The following PDE1A variants were observed in gnomAD, a reference collection of about 807,000 sequenced individuals.
PDE1A encodes phosphodiesterase 1A, also known as dual specificity calcium/calmodulin-dependent 3',5'-cyclic nucleotide phosphodiesterase 1A.
A neutral mutation model predicts 61.7 loss-of-function variants in PDE1A; 35 were observed. The ratio of observed to expected loss-of-function variants is 0.57; its 90% CI spans 0.43 to 0.75. The LOEUF (loss-of-function observed/expected upper bound fraction) is 0.75. Among genes scored for constraint, PDE1A ranks in the 30% least tolerant of loss-of-function variants. The probability of loss-of-function intolerance (pLI) is 0.00; values close to 1 mark genes in which losing one functional copy is unlikely to be tolerated. For synonymous variants in PDE1A, 232 were observed against 213.2 expected, an observed-to-expected ratio of 1.09 and a Z score of -0.77; for missense variants, 597 against 630.6, an observed-to-expected ratio of 0.95 and a Z score of 0.57.
chr2:182,650,674 T>G, the PDE1A span, among the ~76,000 whole-genome samples: 1 of 152,228 alleles, frequency 6.6e-6, no homozygotes, highest in African/African-American at 2.4e-5. Context: ...CATAAAGTAA[T>G]GTAGGGATAA....
chr2:182,313,028 A>G (rs1393888959), intron 1 of PDE1A, among the ~76,000 whole-genome samples: 1 of 152,154 alleles, frequency 6.6e-6, no homozygotes, highest in Non-Finnish European at 1.5e-5. Flanking sequence ...TATCAGATTT[A>G]CTCTAAAAAT....
intron 8 of PDE1A, among the ~76,000 whole-genome samples, chr2:182,204,587 T>C (rs1485767602): frequency 6.6e-6 from 1 of 152,216 alleles, no homozygotes; most frequent in African/African-American, 2.4e-5. Flanking sequence ...TTTCTATTCT[T>C]TATGATTTTC....
At chr2:182,627,260 T>TATAAAATATAAATATATA in the PDE1A span, among the ~76,000 whole-genome samples, 2 of 34,730 alleles carry the variant, frequency 5.8e-5, no homozygotes, top group African/African-American at 8.6e-5. Flanking sequence ...TAATATATTA[T>TATAAAATATAAATATATA]TTATATATAA....
the PDE1A span, among the ~76,000 whole-genome samples, chr2:182,706,563 A>T: frequency 1.3e-5 from 2 of 152,138 alleles, no homozygotes; most frequent in Non-Finnish European, 2.9e-5. Context: ...TTAAAAAGAC[A>T]ATCACAGAAA....
chr2:182,650,469 AT>A, the PDE1A span, among the ~76,000 whole-genome samples: 2 of 152,180 alleles, frequency 1.3e-5, no homozygotes, highest in South Asian at 4.1e-4. Flanking sequence ...AGCACCTACT[AT>A]AACCTAGGAA....
At chr2:182,149,349 C>A (rs1312579274) in intron 13 of PDE1A, among the ~76,000 whole-genome samples, 1 of 152,016 alleles carries the variant, frequency 6.6e-6, no homozygotes, top group Non-Finnish European at 1.5e-5. Flanking sequence ...CAAATGGCAA[C>A]AAGGCAGCAA....
At chr2:182,166,689 A>G (rs914178624), downstream of PDE1A, among the ~76,000 whole-genome samples, 2 of 152,098 alleles carry the variant, frequency 1.3e-5, no homozygotes, top group Non-Finnish European at 2.9e-5. Flanking sequence ...CTTCACATGT[A>G]TTTCTTATTG....
chr2:182,625,076 G>A, the PDE1A span, among the ~76,000 whole-genome samples: 1 of 152,098 alleles, frequency 6.6e-6, no homozygotes, highest in South Asian at 2.1e-4. Flanking sequence ...GATGGGATTA[G>A]CGATGAGATT....
At chr2:182,281,661 G>C (rs1437243693) in intron 1 of PDE1A, among the ~76,000 whole-genome samples, 1 of 151,960 alleles carries the variant, frequency 6.6e-6, no homozygotes, top group Non-Finnish European at 1.5e-5. Context: ...GAAATCAGTG[G>C]AGTGTGATAA....
the PDE1A span, among the ~76,000 whole-genome samples, chr2:182,564,402 T>C: frequency 6.6e-6 from 1 of 152,244 alleles, no homozygotes; most frequent in Admixed American, 6.5e-5. Context: ...TTCTGGCTTG[T>C]AGAGTTTCTG....
At chr2:182,618,612 T>C in the PDE1A span, among the ~76,000 whole-genome samples, 1 of 152,100 alleles carries the variant, frequency 6.6e-6, no homozygotes, top group Admixed American at 6.5e-5. Context: ...TTAATAAAAA[T>C]AGAATTGACA....
At chr2:182,687,159 C>T in the PDE1A span, among the ~76,000 whole-genome samples, 1 of 152,302 alleles carries the variant, frequency 6.6e-6, no homozygotes, top group East Asian at 1.9e-4. Flanking sequence ...CTTAAATGTC[C>T]CTGTCTGACA....
At chr2:182,503,743 C>T (rs1198299133) in intron 2 of PDE1A, among the ~76,000 whole-genome samples, 3 of 152,118 alleles carry the variant, frequency 2.0e-5, no homozygotes, top group African/African-American at 7.2e-5. Flanking sequence ...GAGTTTGTTG[C>T]TGTACCGTTT....
At chr2:182,707,709 A>G in the PDE1A span, among the ~76,000 whole-genome samples, 3 of 152,226 alleles carry the variant, frequency 2.0e-5, no homozygotes, top group Non-Finnish European at 4.4e-5. Context: ...TCAAATACTT[A>G]AGGGAAAAAT....
At chr2:182,492,373 A>G (rs1688447001) in intron 2 of PDE1A, among the ~76,000 whole-genome samples, 1 of 152,216 alleles carries the variant, frequency 6.6e-6, no homozygotes, top group South Asian at 2.1e-4. Context: ...TCAAGCTCTA[A>G]ATATGATAGA....
intron 1 of PDE1A, among the ~76,000 whole-genome samples, chr2:182,407,123 T>G (rs1702343001): frequency 6.6e-6 from 1 of 152,170 alleles, no homozygotes; most frequent in African/African-American, 2.4e-5. Flanking sequence ...GGAAACGTCT[T>G]AAATATAAGT....
At chr2:182,201,250 G>T (rs563196008) in intron 10 of PDE1A, among the ~76,000 whole-genome samples, 189 bp downstream of exon 10, 15 of 152,214 alleles carry the variant, frequency 9.9e-5, no homozygotes, top group Non-Finnish European at 2.2e-4. Context: ...TTTAAAACAT[G>T]TATCACACTA....
chr2:182,337,749 T>C (rs1697931393), intron 1 of PDE1A, among the ~76,000 whole-genome samples: 1 of 152,174 alleles, frequency 6.6e-6, no homozygotes, highest in Admixed American at 6.5e-5. Context: ...CAAATTGGAC[T>C]TAATGAATGT....
the PDE1A span, among the ~76,000 whole-genome samples, chr2:182,633,490 G>A: frequency 6.6e-6 from 1 of 152,160 alleles, no homozygotes; most frequent in Admixed American, 6.5e-5. Context: ...TCTGCACTTG[G>A]AATATTCTTA....
Sources: gnomAD v4.1 joint callset for allele counts (sites outside exome capture counted in the v4.1 genomes callset) on GRCh38, gnomAD v4.1.1 for gene constraint, MANE v1.5 for transcripts, NCBI Gene and HGNC (gene_info 2026-07-23, HGNC 2026-07-21) for gene names.